The following PRKCE variants were observed in gnomAD, a reference collection of about 807,000 sequenced individuals.
The protein encoded by PRKCE is protein kinase C epsilon.
A neutral mutation model predicts 85.4 loss-of-function variants in PRKCE; 16 were observed. The ratio of observed to expected loss-of-function variants is 0.19; its 90% CI spans 0.13 to 0.28. PRKCE has a LOEUF of 0.28. Among genes scored for constraint, PRKCE ranks in the 10% least tolerant of loss-of-function variants. The pLI, the probability that PRKCE is intolerant of heterozygous loss-of-function variation, is 1.00. For missense variants in PRKCE, 573 were observed against 975.2 expected, an observed-to-expected ratio of 0.59 and a Z score of 5.49; for synonymous variants, 388 against 371.5, an observed-to-expected ratio of 1.04 and a Z score of -0.51.
At chr2:46,124,899 A>G (rs1159400821) in intron 11 of PRKCE, among the ~76,000 whole-genome samples, 1 of 152,256 alleles carries the variant, frequency 6.6e-6, no homozygotes, top group African/African-American at 2.4e-5. Context: ...ATCGATGAAT[A>G]TGGTAAGTCT....
chr2:46,145,055 G>A lies in PRKCE; in HGVS notation c.1593-38G>A. 1 of 1,599,164 alleles carries A rather than the reference G, an allele frequency of 6.3e-7. No individual in the cohort carries two copies. ...ACTCAGGAAGACTATATTGGGGTGA[G>A]TGACGTATTGACATTATGGTCCTGG... On this transcript the variant is annotated intron_variant, in intron 11 of 14. Transcript: ENST00000306156. This position sits in a 1 kb window ranked among gnomAD's most constrained non-coding sequence, Gnocchi z 4.6.
intron 1 of PRKCE, among the ~76,000 whole-genome samples, chr2:45,687,435 A>G (rs554273683): frequency 6.6e-6 from 1 of 152,324 alleles, no homozygotes; most frequent in Non-Finnish European, 1.5e-5. Context: ...TTTATTGTTG[A>G]AGGTGGAGGG....
chr2:45,895,516 A>G lies in PRKCE; in HGVS notation c.412+52453A>G, dbSNP rs1485185825. Among the ~76,000 whole-genome samples, 1 of 152,158 alleles carries G rather than the reference A, an allele frequency of 6.6e-6. No homozygotes were observed. The highest frequency in any genetic ancestry group is 2.4e-5 in the African/African-American group (1 of 41,430). ...CATGTGGTGATTTAAAAAGGAATTA[A>G]CTGTTAGGACACCAGGAAGTGCTCA... On this transcript the variant is annotated intron_variant, in intron 2 of 14. Transcript: ENST00000306156. This position sits in a 1 kb window ranked among gnomAD's most constrained non-coding sequence, Gnocchi z 4.8.
At chr2:46,075,760 A>G (rs1668502779) in intron 10 of PRKCE, among the ~76,000 whole-genome samples, 3 of 152,190 alleles carry the variant, frequency 2.0e-5, no homozygotes, top group African/African-American at 7.2e-5. Flanking sequence ...AAATAAATAG[A>G]TAAATTATTG....
At chr2:45,829,990 G>A (rs1027224558) in intron 1 of PRKCE, among the ~76,000 whole-genome samples, 19 of 149,394 alleles carry the variant, frequency 1.3e-4, no homozygotes, top group African/African-American at 4.2e-4. Context: ...GGAGAATGGC[G>A]TGAACCTGGG....
chr2:45,949,043 A>G (rs944788198), intron 2 of PRKCE, among the ~76,000 whole-genome samples: 2 of 152,220 alleles, frequency 1.3e-5, no homozygotes, highest in East Asian at 1.9e-4. Context: ...TTTTATGACC[A>G]CAAACAGTGT....
intron 1 of PRKCE, among the ~76,000 whole-genome samples, chr2:45,734,612 G>A (rs1681887065): frequency 6.6e-6 from 1 of 152,186 alleles, no homozygotes; most frequent in Non-Finnish European, 1.5e-5. Flanking sequence ...TGTGTTCTCC[G>A]CCTTCCTGGA....
At chr2:46,072,631 C>A (rs1481951408) in intron 10 of PRKCE, among the ~76,000 whole-genome samples, 1 of 152,232 alleles carries the variant, frequency 6.6e-6, no homozygotes, top group Non-Finnish European at 1.5e-5. Context: ...ATAGTATCAA[C>A]TAAACAGTAA....
chr2:45,733,121 C>T (rs1394952640), intron 1 of PRKCE, among the ~76,000 whole-genome samples: 1 of 152,194 alleles, frequency 6.6e-6, no homozygotes, highest in Non-Finnish European at 1.5e-5. Context: ...CTGGTGATCC[C>T]TGTGGCTTAG....
At chr2:45,934,326 A>G (rs1023449803) in intron 2 of PRKCE, among the ~76,000 whole-genome samples, 2 of 152,248 alleles carry the variant, frequency 1.3e-5, no homozygotes, top group Admixed American at 6.5e-5. Context: ...GTTGAATGTG[A>G]CGGAAAAAGC....
chr2:45,668,440 C>T (rs1175771137), intron 1 of PRKCE, among the ~76,000 whole-genome samples: 1 of 151,986 alleles, frequency 6.6e-6, no homozygotes, highest in Non-Finnish European at 1.5e-5. Context: ...TCGAAGAATC[C>T]ATTTGGTTTA....
At chr2:45,724,957 C>T (rs949445515) in intron 1 of PRKCE, among the ~76,000 whole-genome samples, 4 of 152,200 alleles carry the variant, frequency 2.6e-5, no homozygotes, top group Admixed American at 2.6e-4. Context: ...TAGCTAAGAC[C>T]GCTGATGAAG....
chr2:45,789,061 C>A (rs1686837078), intron 1 of PRKCE, among the ~76,000 whole-genome samples: 1 of 152,008 alleles, frequency 6.6e-6, no homozygotes, highest in Non-Finnish European at 1.5e-5. Context: ...CCACTTAGAC[C>A]CTCGCAAAAC....
At chr2:45,668,949 A>C (rs1676035024) in intron 1 of PRKCE, among the ~76,000 whole-genome samples, 1 of 152,140 alleles carries the variant, frequency 6.6e-6, no homozygotes, top group Non-Finnish European at 1.5e-5. Context: ...TGGGACTCAG[A>C]CCTTATTTCC....
intron 1 of PRKCE, among the ~76,000 whole-genome samples, chr2:45,763,205 C>T (rs1025464581): frequency 6.6e-6 from 1 of 152,132 alleles, no homozygotes; most frequent in African/African-American, 2.4e-5. Flanking sequence ...CCTCCCACCT[C>T]GGCCTCCCAA....
At chr2:46,136,109 G>T (rs926364130) in intron 11 of PRKCE, among the ~76,000 whole-genome samples, 1 of 152,062 alleles carries the variant, frequency 6.6e-6, no homozygotes, top group East Asian at 1.9e-4. Flanking sequence ...AGGACATGAA[G>T]TAATTTTTCT....
chr2:46,130,057 G>GT (rs569486448), intron 11 of PRKCE, among the ~76,000 whole-genome samples: 2 of 151,954 alleles, frequency 1.3e-5, no homozygotes, highest in Non-Finnish European at 2.9e-5. Flanking sequence ...AAAATAGCGA[G>GT]TTTTTTTTAA....
intron 1 of PRKCE, among the ~76,000 whole-genome samples, chr2:45,804,525 T>A (rs902390983): frequency 3.5e-4 from 54 of 152,144 alleles, no homozygotes; most frequent in Admixed American, 6.5e-4. Flanking sequence ...TATACTGAGG[T>A]GCTGAAGTAT....
intron 2 of PRKCE, among the ~76,000 whole-genome samples, chr2:45,871,192 G>T (rs1254683241): frequency 6.6e-6 from 1 of 152,208 alleles, no homozygotes; most frequent in African/African-American, 2.4e-5. Context: ...CTTCCTCAGT[G>T]GGTGGCCTGG....
Sources: allele counts gnomAD v4.1 joint callset (sites outside exome capture counted in the v4.1 genomes callset), GRCh38; gene constraint gnomAD v4.1.1; non-coding constraint Gnocchi (gnomAD v3.1); transcripts MANE v1.5; gene names NCBI Gene and HGNC (gene_info 2026-07-23, HGNC 2026-07-21).